The following INPP4A variants were observed in gnomAD, a reference collection of about 807,000 sequenced individuals.
INPP4A encodes the protein inositol polyphosphate-4-phosphatase type I A.
A neutral mutation model predicts 119.8 loss-of-function variants in INPP4A; 33 were observed. That is an observed-to-expected ratio of 0.28 (90% CI 0.21 to 0.37). The LOEUF (loss-of-function observed/expected upper bound fraction) is 0.37. Among genes scored for constraint, INPP4A ranks in the 10% least tolerant of loss-of-function variants. The probability of loss-of-function intolerance (pLI) is 1.00; values close to 1 mark genes in which losing one functional copy is unlikely to be tolerated. For synonymous variants in INPP4A, 496 were observed against 500.7 expected, an observed-to-expected ratio of 0.99 and a Z score of 0.12; for missense variants, 956 against 1,289.9, an observed-to-expected ratio of 0.74 and a Z score of 3.97.
intron 1 of INPP4A, among the ~76,000 whole-genome samples, chr2:98,478,577 C>T (rs1677742111): frequency 6.6e-6 from 1 of 152,208 alleles, no homozygotes; most frequent in South Asian, 2.1e-4. Flanking sequence ...ACTCCCTCCC[C>T]CGACTTTCTT....
At chr2:98,454,766 G>A in intron 1 of INPP4A, among the ~76,000 whole-genome samples, 1 of 117,582 alleles carries the variant, frequency 8.5e-6, no homozygotes, top group Non-Finnish European at 1.7e-5. Flanking sequence ...TGGGCGGGGG[G>A]TGGGAGGAGG....
intron 1 of INPP4A, among the ~76,000 whole-genome samples, chr2:98,460,274 G>A (rs1000818194): frequency 2.6e-5 from 4 of 152,172 alleles, no homozygotes; most frequent in Non-Finnish European, 5.9e-5. Context: ...TGTGGGTTTT[G>A]GGGAGCATCA....
At chr2:98,489,139 G>T (rs963252404) in intron 1 of INPP4A, among the ~76,000 whole-genome samples, 1 of 152,070 alleles carries the variant, frequency 6.6e-6, no homozygotes, top group Non-Finnish European at 1.5e-5. Context: ...TGACCAGTTT[G>T]GTTGATGGTT....
chr2:98,581,433 A>AT (rs972621727), intron 24 of INPP4A: 284 of 846,024 alleles, frequency 3.4e-4, no homozygotes, highest in Non-Finnish European at 4.2e-4. Context: ...ACTTCATTTC[A>AT]TTTTTTTTTA....
At position 98,546,680 on chromosome 2, in the gene INPP4A, A is replaced by C; in HGVS notation, c.1149A>C (p.Glu383Asp). The C allele has an allele frequency of 6.2e-7, 1 of 1,607,582 alleles. No individual in the cohort carries two copies. The highest frequency in any genetic ancestry group is 1.1e-5 in the South Asian group (1 of 90,982). Residue 383 changes from glutamate (E) to aspartate (D), a missense_variant, in exon 13 of 25, where the codon GAA (glutamate) becomes GAC (aspartate). Around this residue, in one of 2 missense-constraint regions of INPP4A, gnomAD observed 652 missense variants for 797.9 expected, o/e 0.82. Coordinates refer to ENST00000409851, the MANE Select transcript of INPP4A (RefSeq NM_001134225.2). The surrounding 1 kb of genome is among the most constrained non-coding windows in gnomAD (Gnocchi z 4.2). ...GGLRKKLHKF[E>D]ETKKHTSSGC... ...TCCGCAAAAAGCTGCACAAATTTGA[A>C]GAGACCAAGAAACAGTAAGTAGCCA...
In INPP4A at chr2:98,581,746, G is replaced by A. The variant is rs537888018; in HGVS notation, c.2786+4603G>A. 41 of 1,606,632 alleles carry A rather than the reference G, an allele frequency of 2.6e-5. 1 individual carries two copies. In the Middle Eastern group the frequency reaches 8.2e-4, roughly 32 times the overall value. ...ATAGCATACCTGGTGACCAAATTGC[G>A]TTGCAAATGAATATCATTATGAAAA... On this transcript the variant is annotated intron_variant, in intron 24 of 24. Coordinates refer to ENST00000409851, the MANE Select transcript of INPP4A (RefSeq NM_001134225.2).
rs529180039 is a variant in INPP4A at position 98,519,839 on chromosome 2, C to A, written c.-103-107C>A. 4.5e-5 allele frequency: 25 copies of A among 555,012 alleles called. 1 individual carries two copies. Among genetic ancestry groups the A allele is most frequent in the South Asian group, 3.9e-4 (19 of 49,340 alleles). The allele number at this position is 555,012 out of a possible 1,614,324, so 34.4% of individuals were successfully genotyped here. ...CCCCGGTTCCTCACATGCTGGGGAA[C>A]CCTGTCACTGTACCTCGCCCCCGGT... is the stretch of plus-strand genomic sequence containing the variant. On this transcript the variant is annotated intron_variant, in intron 2 of 24. Transcript: ENST00000409851.
Position 98,537,901 on chromosome 2 carries a change from T to C in INPP4A, c.506T>C (p.Ile169Thr), listed in dbSNP as rs568012920. 28 of 1,613,234 alleles carry C rather than the reference T, an allele frequency of 1.7e-5. No individual in the cohort carries two copies. The South Asian group carries it at 2.0e-4, about 11-fold the overall frequency. ...ESDRVGNITV[I>T]GWQMEEKSDQ... is the part of the protein sequence containing the mutation. Reference sequence around the variant, plus strand: ...GACCGTGTAGGTAACATCACCGTGATTGGCTGGCAGATGGAGGAGAAGTCA... The same window carrying C: ...GACCGTGTAGGTAACATCACCGTGACTGGCTGGCAGATGGAGGAGAAGTCA... Residue 169 changes from isoleucine to threonine, a missense_variant, in exon 8 of 25, where the codon ATT becomes ACT. Around this residue, in one of 2 missense-constraint regions of INPP4A, gnomAD observed 652 missense variants for 797.9 expected, o/e 0.82. Transcript: ENST00000409851.
chr2:98,563,914 G>A (rs1695954763), intron 18 of INPP4A, among the ~76,000 whole-genome samples: 1 of 151,410 alleles, frequency 6.6e-6, no homozygotes, highest in Admixed American at 6.6e-5. Flanking sequence ...TGCATGGGTG[G>A]CACAGGCTTC....
chr2:98,587,287 T>G (rs1700051975), intron 24 of INPP4A, among the ~76,000 whole-genome samples, 189 bp from the exon 25 acceptor site: 1 of 152,238 alleles, frequency 6.6e-6, no homozygotes, highest in South Asian at 2.1e-4. Context: ...TCCATCTCTG[T>G]GCTTCTTAAT....
chr2:98,557,681 G>A (rs1028220922), intron 16 of INPP4A, among the ~76,000 whole-genome samples: 1 of 152,196 alleles, frequency 6.6e-6, no homozygotes, highest in East Asian at 1.9e-4. Context: ...TCACCAGGGA[G>A]CTGCCCTGCC....
intron 10 of INPP4A, among the ~76,000 whole-genome samples, chr2:98,542,982 C>T (rs955329099): frequency 6.6e-6 from 1 of 151,450 alleles, no homozygotes; most frequent in Admixed American, 6.6e-5. Context: ...TGCAGTGGTG[C>T]GATCCTGGCT....
At chr2:98,571,772 C>T (rs1697498963) in intron 22 of INPP4A, 1 of 152,542 alleles carries the variant, frequency 6.6e-6, no homozygotes, top group Non-Finnish European at 1.5e-5. Flanking sequence ...GCAGGGGCTG[C>T]AGGGGCAACC....
Position 98,497,748 on chromosome 2 carries a change from G to A in INPP4A, c.-165-21216G>A, listed in dbSNP as rs571657614. Among the ~76,000 whole-genome samples, 5 of 152,294 alleles carry A rather than the reference G, an allele frequency of 3.3e-5. No homozygotes were observed. The South Asian group carries it at 1.0e-3, about 32-fold the overall frequency. On this transcript the variant is annotated intron_variant, in intron 1 of 24. Transcript: ENST00000409851. ...GCTGTGCAGAAGCTTGGGCGCAACTGCCCAAGGCTGTGGAAGCCCACCTCT... is the reference window on the plus strand; with the variant it reads ...GCTGTGCAGAAGCTTGGGCGCAACTACCCAAGGCTGTGGAAGCCCACCTCT...
chr2:98,536,624 G>A (rs75252103), intron 7 of INPP4A, among the ~76,000 whole-genome samples: 3,397 of 152,230 alleles, frequency 0.022, 140 homozygotes, highest in African/African-American at 0.077. Context: ...TGAATGAAAG[G>A]GAAACGCCCA....
chr2:98,532,228 T>A (rs1300746837), intron 4 of INPP4A, among the ~76,000 whole-genome samples: 1 of 152,162 alleles, frequency 6.6e-6, no homozygotes, highest in Non-Finnish European at 1.5e-5. Flanking sequence ...CTCTTTGTAT[T>A]TTTCAGTCTT....
In INPP4A at chr2:98,587,608, A is replaced by C; in HGVS notation, c.2919A>C (p.Ter973CysextTer6). The C allele has an allele frequency of 1.3e-6, 2 of 1,598,442 alleles. No homozygotes were observed. Among genetic ancestry groups the C allele is most frequent in the Non-Finnish European group, 1.7e-6 (2 of 1,175,334 alleles). ...GGACTTACGGAAAAGTTGAAACGTG[A>C]ACACACGGTTTCCTCTAATTAGCTG... The part of the protein sequence containing the change: ...PEGTYGKVET[*>C] The change falls in exon 25 of 25, where the codon TGA becomes TGC. Residue 973 changes from the stop codon to cysteine, a stop_lost. Coordinates refer to ENST00000409851, the MANE Select transcript of INPP4A (RefSeq NM_001134225.2).
chr2:98,537,728 GCTGA>G, intron 7 of INPP4A, 131 bp from the exon 8 acceptor site: 1 of 660,586 alleles, frequency 1.5e-6, no homozygotes, highest in South Asian at 1.7e-5. Flanking sequence ...CACAGTGAAT[GCTGA>G]CTGACTGGTC....
At chr2:98,448,803 C>T (rs752392199) in intron 1 of INPP4A, among the ~76,000 whole-genome samples, 1 of 151,426 alleles carries the variant, frequency 6.6e-6, no homozygotes, top group South Asian at 2.1e-4. Context: ...CTACTCCACT[C>T]AGTGATCCTT....
Sources: allele counts gnomAD v4.1 joint callset (sites outside exome capture counted in the v4.1 genomes callset), GRCh38; gene constraint gnomAD v4.1.1; regional missense constraint gnomAD v4.1.1; non-coding constraint Gnocchi (gnomAD v3.1); transcripts MANE v1.5; gene names NCBI Gene and HGNC (gene_info 2026-07-23, HGNC 2026-07-21).